KCNIP1: variants seen among roughly 807,000 people sequenced by gnomAD.
KCNIP1 encodes the protein A-type potassium channel modulatory protein KCNIP1.
In KCNIP1, 18 loss-of-function variants were observed where a neutral mutation model predicts 33.0. The ratio of observed to expected loss-of-function variants is 0.55; its 90% confidence interval spans 0.38 to 0.81. The LOEUF (loss-of-function observed/expected upper bound fraction) is 0.81, where lower values mean the gene tolerates loss of function less well. Ranked by LOEUF, KCNIP1 falls within the 30% of genes least tolerant of loss-of-function variation. The probability of loss-of-function intolerance (pLI) is 0.00; values close to 1 mark genes in which losing one functional copy is unlikely to be tolerated. For missense variants in KCNIP1, 238 were observed against 271.6 expected (o/e 0.88, Z 0.87); for synonymous variants, 93 against 98.3 (o/e 0.95, Z 0.32).
chr5:170,495,138 T>G, intron 1 of KCNIP1, among the ~76,000 whole-genome samples: 1 of 152,188 alleles, frequency 6.6e-6, no homozygotes, highest in East Asian at 1.9e-4. Context: ...CCATCCCCAG[T>G]GTTGCCTGAA....
At chr5:170,399,650 A>C (rs1754846674) in intron 1 of KCNIP1, among the ~76,000 whole-genome samples, 1 of 152,262 alleles carries the variant, frequency 6.6e-6, no homozygotes, top group South Asian at 2.1e-4. Context: ...TTAGGAATAT[A>C]CTATACAATT....
At chr5:170,609,532 A>G (rs1458189678) in intron 1 of KCNIP1, among the ~76,000 whole-genome samples, 5 of 152,154 alleles carry the variant, frequency 3.3e-5, no homozygotes, top group East Asian at 1.9e-4. Context: ...TTGGTGATGC[A>G]TAAAATTTTT....
At chr5:170,607,826 T>C (rs2113607523) in intron 1 of KCNIP1, among the ~76,000 whole-genome samples, 1 of 152,302 alleles carries the variant, frequency 6.6e-6, no homozygotes, top group East Asian at 1.9e-4. Context: ...CAGCGATCCC[T>C]AAGGTGGAGC....
At chr5:170,481,714 G>C (rs1307228976) in intron 1 of KCNIP1, among the ~76,000 whole-genome samples, 1 of 152,104 alleles carries the variant, frequency 6.6e-6, no homozygotes, top group Non-Finnish European at 1.5e-5. Flanking sequence ...CCTTAGTGAG[G>C]GGCCTGCATC....
intron 1 of KCNIP1, among the ~76,000 whole-genome samples, chr5:170,464,044 T>TA (rs34614700): frequency 0.4 from 61,278 of 151,944 alleles, 12,677 homozygotes; most frequent in South Asian, 0.55. Context: ...CAATCCCACT[T>TA]ACAATAGCAT....
At chr5:170,392,199 G>A (rs1253700096) in intron 1 of KCNIP1, among the ~76,000 whole-genome samples, 1 of 152,238 alleles carries the variant, frequency 6.6e-6, no homozygotes, top group East Asian at 1.9e-4. Context: ...AATCTCACCG[G>A]GCATGGGAGA....
At chr5:170,700,218 TCTC>T (rs1485230209) in intron 1 of KCNIP1, among the ~76,000 whole-genome samples, 3 of 152,146 alleles carry the variant, frequency 2.0e-5, no homozygotes, top group South Asian at 2.1e-4. Context: ...TTGGTCCCCT[TCTC>T]CTCCTTCCAG....
At chr5:170,456,312 G>A (rs1443823505) in intron 1 of KCNIP1, among the ~76,000 whole-genome samples, 2 of 151,926 alleles carry the variant, frequency 1.3e-5, no homozygotes, top group African/African-American at 4.8e-5. Flanking sequence ...CCTGTCGGAG[G>A]GTGGGGGGCA....
intron 1 of KCNIP1, among the ~76,000 whole-genome samples, chr5:170,597,784 AATATATATATATATATATATAT>A (rs10525595): frequency 0.03 from 4,021 of 134,406 alleles, 121 homozygotes; most frequent in Non-Finnish European, 0.04. Flanking sequence ...GAGAGAGATA[AATATATATATATATATATATAT>A]ATATATATAT....
intron 5 of KCNIP1, among the ~76,000 whole-genome samples, chr5:170,725,248 A>G (rs550052060): frequency 1.3e-5 from 2 of 152,366 alleles, no homozygotes; most frequent in South Asian, 2.1e-4. Flanking sequence ...AGATCTGTTC[A>G]TAATAGCCAA....
chr5:170,484,966 G>A (rs1757055803), intron 1 of KCNIP1, among the ~76,000 whole-genome samples: 3 of 135,340 alleles, frequency 2.2e-5, no homozygotes, highest in African/African-American at 8.3e-5. Context: ...TTGAGATGGA[G>A]TTTCACTCTT....
intron 1 of KCNIP1, among the ~76,000 whole-genome samples, chr5:170,369,572 G>T (rs746100531): frequency 6.6e-6 from 1 of 152,222 alleles, no homozygotes; most frequent in Non-Finnish European, 1.5e-5. Flanking sequence ...CTGGCACAGA[G>T]CCTGGCAAGG....
At chr5:170,385,406 T>C (rs980115720) in intron 1 of KCNIP1, 6 of 1,614,104 alleles carry the variant, frequency 3.7e-6, no homozygotes, top group Non-Finnish European at 5.1e-6. Flanking sequence ...AAAGGGCTCG[T>C]GTCTCTCCCC....
chr5:170,718,385 T>A (rs1763703456), intron 1 of KCNIP1, among the ~76,000 whole-genome samples: 1 of 152,232 alleles, frequency 6.6e-6, no homozygotes, highest in Non-Finnish European at 1.5e-5. Flanking sequence ...GAGGTGTTTA[T>A]CATTCTGCTT....
At chr5:170,638,284 T>C (rs879317610) in intron 1 of KCNIP1, among the ~76,000 whole-genome samples, 1 of 151,894 alleles carries the variant, frequency 6.6e-6, no homozygotes, top group Non-Finnish European at 1.5e-5. Context: ...AGCAGTTGCC[T>C]TTGCTCGGTG....
At chr5:170,645,649 T>A (rs1367288733) in intron 1 of KCNIP1, among the ~76,000 whole-genome samples, 2 of 152,116 alleles carry the variant, frequency 1.3e-5, no homozygotes, top group Non-Finnish European at 2.9e-5. Flanking sequence ...AGGCTACTCA[T>A]CCAACAAGAG....
intron 1 of KCNIP1, among the ~76,000 whole-genome samples, chr5:170,529,923 C>G (rs758827724): frequency 1.3e-5 from 2 of 152,168 alleles, no homozygotes; most frequent in Non-Finnish European, 2.9e-5. Context: ...TTGTTGGACT[C>G]TAGACTTTAA....
At chr5:170,560,966 G>A in intron 1 of KCNIP1, 2 of 358,798 alleles carry the variant, frequency 5.6e-6, no homozygotes, top group Non-Finnish European at 1.1e-5. Context: ...CTCACAAGAA[G>A]GAGTCCCCTC....
chr5:170,721,834 T>C lies in KCNIP1; in HGVS notation c.258T>C (p.Asp86=). The C allele has an allele frequency of 6.8e-6, 11 of 1,614,224 alleles. No homozygotes were observed. The highest frequency in any genetic ancestry group is 9.3e-6 in the Non-Finnish European group (11 of 1,180,040). ...CTGCCCTCCTTTTCTGCCTTGTAGATGCCAGCACGTATGCCCATTACCTCT... is the reference window on the plus strand; with the variant it reads ...CTGCCCTCCTTTTCTGCCTTGTAGACGCCAGCACGTATGCCCATTACCTCT... ...QIYAQFFPHG[D]ASTYAHYLFN... Residue 86 remains aspartate, a splice_region_variant and synonymous_variant, in exon 4 of 8, where the codon GAT becomes GAC. Transcript: ENST00000328939.
Sources: allele counts gnomAD v4.1 joint callset (sites outside exome capture counted in the v4.1 genomes callset), GRCh38; gene constraint gnomAD v4.1.1; transcripts MANE v1.5; gene names NCBI Gene and HGNC (gene_info 2026-07-23, HGNC 2026-07-21).